Variants in DENND4C observed in about 807,000 individuals in gnomAD.
DENND4C encodes the protein DENN domain containing 4C.
Under a neutral mutation model 203.0 loss-of-function variants are expected in DENND4C, and 108 were observed. The ratio of observed to expected loss-of-function variants is 0.53; its 90% CI spans 0.46 to 0.62. DENND4C has a LOEUF of 0.62. DENND4C is among the 20% of genes least tolerant of loss of function. The probability of loss-of-function intolerance (pLI) is 0.00; values close to 1 mark genes in which losing one functional copy is unlikely to be tolerated. For missense variants in DENND4C, 2,481 were observed against 2,301.2 expected, an observed-to-expected ratio of 1.08 and a Z score of -1.60; for synonymous variants, 871 against 792.4, an observed-to-expected ratio of 1.10 and a Z score of -1.67.
intron 3 of DENND4C, 112 bp from the exon 4 acceptor site, chr9:19,288,484 C>G: frequency 1.8e-6 from 1 of 545,806 alleles, no homozygotes; most frequent in East Asian, 3.5e-5. Context: ...ATTATATAAA[C>G]GTTTTAAATA....
intron 2 of DENND4C, among the ~76,000 whole-genome samples, chr9:19,283,253 T>G (rs1448966206): frequency 6.6e-6 from 1 of 152,138 alleles, no homozygotes; most frequent in East Asian, 1.9e-4. Flanking sequence ...GGATCATCAC[T>G]ATCTCTGCCT....
chr9:19,326,815 A>T (rs766270210), intron 15 of DENND4C, among the ~76,000 whole-genome samples: 1 of 152,068 alleles, frequency 6.6e-6, no homozygotes, highest in African/African-American at 2.4e-5. Context: ...TTTGTAATCT[A>T]TGTTTGCCTT....
At chr9:19,297,575 T>TG (rs1433820876) in intron 6 of DENND4C, among the ~76,000 whole-genome samples, 4 of 152,178 alleles carry the variant, frequency 2.6e-5, no homozygotes, top group Non-Finnish European at 4.4e-5. Context: ...AGTAATATGT[T>TG]GCGTTTTTAT....
At chr9:19,304,434 T>G (rs1839235760) in intron 9 of DENND4C, among the ~76,000 whole-genome samples, 1 of 152,146 alleles carries the variant, frequency 6.6e-6, no homozygotes, top group Non-Finnish European at 1.5e-5. Flanking sequence ...TCCACTCACC[T>G]CAGCCTCCCA....
intron 23 of DENND4C, among the ~76,000 whole-genome samples, 180 bp downstream of exon 23, chr9:19,347,266 G>T (rs554084602): frequency 6.6e-6 from 1 of 152,250 alleles, no homozygotes; most frequent in South Asian, 2.1e-4. Context: ...GAGTAGTTGG[G>T]TCTATAGGGG....
At chr9:19,319,002 C>T (rs1244148648) in intron 12 of DENND4C, among the ~76,000 whole-genome samples, 3 of 151,850 alleles carry the variant, frequency 2.0e-5, no homozygotes, top group African/African-American at 7.3e-5. Flanking sequence ...AACCCTGTCT[C>T]TACTAAAAAT....
intron 12 of DENND4C, among the ~76,000 whole-genome samples, chr9:19,320,482 A>T (rs1284224254): frequency 6.6e-6 from 1 of 152,234 alleles, no homozygotes; most frequent in Admixed American, 6.5e-5. Flanking sequence ...TACAGGCGTG[A>T]GCCACTGCGC....
chr9:19,358,550 C>A lies in DENND4C; in HGVS notation c.5160+390C>A, dbSNP rs191905324. ...CACTGCTTTTATCATACAAAAAAAACCCCAAATAATAGTATCAAGTTATTT... is the reference window on the plus strand; with the variant it reads ...CACTGCTTTTATCATACAAAAAAAAACCCAAATAATAGTATCAAGTTATTT... On this transcript the variant is annotated intron_variant, in intron 28 of 32. Transcript: ENST00000434457. The surrounding 1 kb of genome is among the most constrained non-coding windows in gnomAD (Gnocchi z 4.8). Among the ~76,000 whole-genome samples, 26 of 149,418 alleles carry A rather than the reference C, an allele frequency of 1.7e-4. No individual in the cohort carries two copies. Among genetic ancestry groups the A allele is most frequent in the Non-Finnish European group, 3.7e-4 (25 of 67,966 alleles).
At chr9:19,246,583 G>T (rs1588729529) in intron 1 of DENND4C, among the ~76,000 whole-genome samples, 3 of 151,624 alleles carry the variant, frequency 2.0e-5, no homozygotes, top group African/African-American at 7.3e-5. Flanking sequence ...ATTGCACATA[G>T]TGTTTTTATT....
chr9:19,351,662 C>G (rs1180587967), intron 24 of DENND4C, among the ~76,000 whole-genome samples: 8 of 151,856 alleles, frequency 5.3e-5, no homozygotes, highest in Admixed American at 4.6e-4. Context: ...AAAAAATTAG[C>G]CAGGCGTGGC....
intron 12 of DENND4C, among the ~76,000 whole-genome samples, chr9:19,322,058 T>G (rs1183216368): frequency 6.6e-6 from 1 of 152,180 alleles, no homozygotes; most frequent in African/African-American, 2.4e-5. Flanking sequence ...GCATTTTCAT[T>G]GCACTGAAGT....
At chr9:19,256,119 A>G (rs1374106799) in intron 1 of DENND4C, among the ~76,000 whole-genome samples, 1 of 152,058 alleles carries the variant, frequency 6.6e-6, no homozygotes, top group Non-Finnish European at 1.5e-5. Context: ...TCTTAGCCAT[A>G]AAACAAGTCT....
intron 7 of DENND4C, among the ~76,000 whole-genome samples, chr9:19,298,506 G>A (rs1394893355): frequency 6.6e-6 from 1 of 152,070 alleles, no homozygotes; most frequent in Non-Finnish European, 1.5e-5. Flanking sequence ...TAATAGTACT[G>A]TGCTAAAGGA....
intron 16 of DENND4C, among the ~76,000 whole-genome samples, chr9:19,329,236 C>A (rs1335560133): frequency 1.3e-5 from 2 of 152,148 alleles, no homozygotes; most frequent in Non-Finnish European, 2.9e-5. Flanking sequence ...CAATCCCCAG[C>A]AGCCCTAGGC....
intron 16 of DENND4C, among the ~76,000 whole-genome samples, chr9:19,329,737 A>G (rs1818662143): frequency 6.6e-6 from 1 of 152,144 alleles, no homozygotes; most frequent in Non-Finnish European, 1.5e-5. Flanking sequence ...TTTGGTTATA[A>G]CCATCTAGTG....
At chr9:19,234,523 C>T (rs940771949) in intron 1 of DENND4C, among the ~76,000 whole-genome samples, 2 of 141,604 alleles carry the variant, frequency 1.4e-5, no homozygotes, top group Admixed American at 7.7e-5. Context: ...AGCCACAGCA[C>T]CTGGCTGTTT....
intron 10 of DENND4C, among the ~76,000 whole-genome samples, chr9:19,305,984 T>A (rs775461497): frequency 6.6e-6 from 1 of 152,246 alleles, no homozygotes; most frequent in Non-Finnish European, 1.5e-5. Context: ...ATCTGTTGTT[T>A]ACTGCTTAGA....
At chr9:19,344,248 G>A (rs114237582) in intron 22 of DENND4C, among the ~76,000 whole-genome samples, 3,301 of 152,198 alleles carry the variant, frequency 0.022, 126 homozygotes, top group African/African-American at 0.073. Context: ...AAAAGAAAAC[G>A]AAGGAAAAGA....
chr9:19,288,609 T>G lies in DENND4C; in HGVS notation c.572T>G (p.Val191Gly). 1 of 1,231,748 alleles carries G rather than the reference T, an allele frequency of 8.1e-7. No homozygotes were observed. The highest frequency in any genetic ancestry group is 1.0e-6 in the Non-Finnish European group (1 of 987,724). The allele number at this position is 1,231,748 out of a possible 1,614,324, so 76.3% of individuals were successfully genotyped here. A position where few individuals can be genotyped will look rare whatever the true frequency, so the allele number is the denominator to read the frequency against. The change falls in exon 4 of 33, where the codon GTG becomes GGG. Residue 191 changes from valine (V) to glycine (G), a missense_variant. By Grantham distance (109) the Val-to-Gly change is moderately radical. Coordinates refer to ENST00000434457, the MANE Select transcript of DENND4C (RefSeq NM_001330640.2). The part of the protein sequence containing the change: ...NLNCGMWGSS[V>G]FLCYKKSVPA... The stretch of plus-strand genomic sequence containing the variant: ...CATGTTTTACAGTGGGGTTCCAGCG[T>G]GTTTCTGTGTTATAAGAAGTCTGTA...
Sources: gnomAD v4.1 joint callset for allele counts (sites outside exome capture counted in the v4.1 genomes callset) on GRCh38, gnomAD v4.1.1 for gene constraint, Gnocchi (gnomAD v3.1) non-coding constraint, MANE v1.5 for transcripts, NCBI Gene and HGNC (gene_info 2026-07-23, HGNC 2026-07-21) for gene names.